Variants in TMPRSS15 observed in about 807,000 individuals in gnomAD.
TMPRSS15 encodes enteropeptidase.
TMPRSS15 carries 128 observed loss-of-function variants against 125.3 expected under a neutral mutation model. That is an observed-to-expected ratio of 1.02 (90% CI 0.89 to 1.18). The LOEUF (loss-of-function observed/expected upper bound fraction) is 1.18. Ranked by LOEUF, TMPRSS15 falls within the 50% of genes most tolerant of loss-of-function variation. TMPRSS15 has a pLI of 0.00. For missense variants in TMPRSS15, 1,283 were observed against 1,212.7 expected (o/e 1.06, Z -0.86); for synonymous variants, 446 against 423.2 (o/e 1.05, Z -0.66).
chr21:18,282,023 G>A (rs1368862242), intron 21 of TMPRSS15, among the ~76,000 whole-genome samples: 1 of 149,306 alleles, frequency 6.7e-6, no homozygotes, highest in Non-Finnish European at 1.5e-5. Context: ...GCGTGAACCC[G>A]GGGGGCGGAG....
At chr21:18,396,773 CAAAAA>C (rs766409350) in intron 3 of TMPRSS15, among the ~76,000 whole-genome samples, 3 of 47,786 alleles carry the variant, frequency 6.3e-5, no homozygotes, top group African/African-American at 8.0e-5. Flanking sequence ...GACTCTGTCT[CAAAAA>C]AAAAAAAAAA....
At chr21:18,359,308 G>C (rs1185504776) in intron 8 of TMPRSS15, among the ~76,000 whole-genome samples, 1 of 151,990 alleles carries the variant, frequency 6.6e-6, no homozygotes, top group Non-Finnish European at 1.5e-5. Context: ...GCTAGACAGT[G>C]TTTTAGCCAC....
rs766572527 is a variant in TMPRSS15, at chr21:18,281,037, T to TA, written c.2668+2dup. On this transcript the variant is annotated splice_region_variant and intron_variant, in intron 22 of 24. Coordinates refer to ENST00000284885, the MANE Select transcript of TMPRSS15 (RefSeq NM_002772.3). ...ATGACTAAGAGTGATTTTTTTTTTT[T>TA]ACCTGTGTAATTCACTTTAAATTCC... The TA allele has an allele frequency of 5.8e-5, 93 of 1,610,514 alleles. No homozygotes were observed. The East Asian group carries it at 1.8e-3, about 32-fold the overall frequency.
chr21:18,353,112 T>G, intron 9 of TMPRSS15, 60 bp from the exon 10 acceptor site: 1 of 1,431,282 alleles, frequency 7.0e-7, no homozygotes, highest in Non-Finnish European at 9.8e-7. Context: ...AGTAGTTATA[T>G]TAGATTGTAT....
intron 21 of TMPRSS15, among the ~76,000 whole-genome samples, chr21:18,289,007 G>A (rs2074801463): frequency 6.6e-6 from 1 of 151,984 alleles, no homozygotes; most frequent in African/African-American, 2.4e-5. Context: ...TTTAGGATAA[G>A]TTTAAGAAGA....
At chr21:18,438,154 T>G (rs2076232424) in intron 1 of TMPRSS15, among the ~76,000 whole-genome samples, 1 of 150,578 alleles carries the variant, frequency 6.6e-6, no homozygotes, top group East Asian at 2.0e-4. Context: ...CCATAAAAAA[T>G]GATGAGTTCA....
In TMPRSS15 at chr21:18,315,058, AG is replaced by A. The variant is rs2075146953; in HGVS notation, c.2032+87del. The A allele has an allele frequency of 1.3e-5, 14 of 1,073,444 alleles. 1 individual carries two copies. The highest frequency in any genetic ancestry group is 2.0e-5 in the Non-Finnish European group (14 of 701,748). 66.5% of individuals were successfully genotyped at this position (1,073,444 alleles called of 1,614,324 possible). A position where few individuals can be genotyped will look rare whatever the true frequency, so the allele number is the denominator to read the frequency against. On this transcript the variant is annotated intron_variant, in intron 17 of 24. Transcript: ENST00000284885. ...CCAAAGCATCAAAACAGGTCCTAAT[AG>A]ACACAGTTATAATCTTTCTTTGACA...
At chr21:18,407,430 TTTTTCTTTTTTTC>T (rs982001424), upstream of TMPRSS15, among the ~76,000 whole-genome samples, 6 of 138,214 alleles carry the variant, frequency 4.3e-5, no homozygotes, top group Non-Finnish European at 6.2e-5. Context: ...CTAAACTTTC[TTTTTCTTTTTTTC>T]TTTTCTTTTT....
chr21:18,408,733 G>T (rs1601452439), upstream of TMPRSS15, among the ~76,000 whole-genome samples: 4 of 152,178 alleles, frequency 2.6e-5, no homozygotes, highest in Admixed American at 6.6e-5. Context: ...CAAAGGAGAA[G>T]GTGGACCTTT....
intron 1 of TMPRSS15, among the ~76,000 whole-genome samples, chr21:18,453,238 T>G (rs548273012): frequency 2.8e-4 from 43 of 152,254 alleles, no homozygotes; most frequent in African/African-American, 1.0e-3. Context: ...GGCATCTGGA[T>G]CTCTCAAAAA....
intron 4 of TMPRSS15, among the ~76,000 whole-genome samples, chr21:18,383,061 T>G (rs1486214840): frequency 1.3e-5 from 2 of 152,150 alleles, no homozygotes; most frequent in African/African-American, 4.8e-5. Context: ...CAATTAGAAA[T>G]CGGACCTTGC....
chr21:18,278,924 GTT>G (rs59972471), intron 23 of TMPRSS15, 38 bp downstream of exon 23: 24,039 of 432,102 alleles, frequency 0.056, 391 homozygotes, highest in African/African-American at 0.2. Flanking sequence ...CACCAGTAAG[GTT>G]TTTTTTTTTT....
intron 13 of TMPRSS15, among the ~76,000 whole-genome samples, chr21:18,337,798 T>C (rs2075406579): frequency 6.6e-6 from 1 of 152,174 alleles, no homozygotes; most frequent in Admixed American, 6.5e-5. Flanking sequence ...CTTAAACAAG[T>C]CATTGATCTG....
intron 7 of TMPRSS15, among the ~76,000 whole-genome samples, chr21:18,362,106 G>C (rs1344984310): frequency 6.6e-6 from 1 of 152,116 alleles, no homozygotes; most frequent in Non-Finnish European, 1.5e-5. Flanking sequence ...CAGAGGTAAG[G>C]GGATCAAGGT....
intron 8 of TMPRSS15, among the ~76,000 whole-genome samples, chr21:18,356,834 T>A (rs1448027354): frequency 6.6e-6 from 1 of 151,854 alleles, no homozygotes; most frequent in African/African-American, 2.4e-5. Context: ...AATTCAGGAA[T>A]ATACACTATG....
chr21:18,313,025 G>T lies in TMPRSS15; in HGVS notation c.2085C>A (p.Ile695=). The T allele has an allele frequency of 1.9e-6, 3 of 1,613,986 alleles. No homozygotes were observed. The highest frequency in any genetic ancestry group is 2.5e-6 in the Non-Finnish European group (3 of 1,179,960). Residue 695 remains isoleucine (I), a synonymous_variant, in exon 18 of 25, where the codon ATC becomes ATA. Coordinates refer to ENST00000284885, the MANE Select transcript of TMPRSS15 (RefSeq NM_002772.3). ...CACAAGCTGTATGCCATATGCTCTGGATTCTGAACCGCACTAAACCATTGT... is the reference window on the plus strand; with the variant it reads ...CACAAGCTGTATGCCATATGCTCTGTATTCTGAACCGCACTAAACCATTGT... ...TNNNGLVRFR[I]QSIWHTACAE...
chr21:18,484,704 T>C (rs966049329), intron 1 of TMPRSS15, among the ~76,000 whole-genome samples: 1 of 151,816 alleles, frequency 6.6e-6, no homozygotes, highest in South Asian at 2.1e-4. Context: ...AAAGAATTCA[T>C]TGTCATAAAT....
intron 21 of TMPRSS15, among the ~76,000 whole-genome samples, chr21:18,289,534 T>C (rs1045540736): frequency 2.0e-5 from 3 of 152,178 alleles, no homozygotes; most frequent in African/African-American, 7.2e-5. Flanking sequence ...AAATGAAGTA[T>C]AAATAGTAGT....
rs192839407 is a variant in TMPRSS15 at position 18,360,526 on chromosome 21, C to T, written c.774-663G>A. On this transcript the variant is annotated intron_variant, in intron 7 of 24. Transcript: ENST00000284885. ...GCAGCTGCACCATTTCAGGTCTTCT[C>T]GATATCATTTGTGGAAAAAGACTAT... 5.5e-3 allele frequency among the ~76,000 whole-genome samples: 833 copies of T among 152,134 alleles called. 3 individuals are homozygous for T. Among genetic ancestry groups the T allele is most frequent in the Non-Finnish European group, 9.7e-3 (660 of 67,980 alleles).
Sources: gnomAD v4.1 joint callset for allele counts (sites outside exome capture counted in the v4.1 genomes callset) on GRCh38, gnomAD v4.1.1 for gene constraint, MANE v1.5 for transcripts, NCBI Gene and HGNC (gene_info 2026-07-23, HGNC 2026-07-21) for gene names.